Variants in GMDS observed in about 807,000 individuals in gnomAD.
The protein encoded by GMDS is GDP-mannose 4,6 dehydratase.
In GMDS, 20 loss-of-function variants were observed where a neutral mutation model predicts 49.9. The ratio of observed to expected loss-of-function variants is 0.40; its 90% CI spans 0.28 to 0.58. The LOEUF is 0.58. Among genes scored for constraint, GMDS ranks in the 20% least tolerant of loss-of-function variants. GMDS has a pLI of 0.42. For synonymous variants in GMDS, 177 were observed against 178.6 expected (o/e 0.99, Z 0.07); for missense variants, 362 against 481.4 (o/e 0.75, Z 2.32).
At chr6:1,658,549 G>A (rs1763963876) in intron 9 of GMDS, among the ~76,000 whole-genome samples, 2 of 152,230 alleles carry the variant, frequency 1.3e-5, no homozygotes, top group Admixed American at 6.5e-5. Context: ...ACACTCAGTT[G>A]AATGAAAAGA....
intron 1 of GMDS, among the ~76,000 whole-genome samples, chr6:2,146,488 C>A (rs1168249892): frequency 1.3e-5 from 2 of 152,080 alleles, no homozygotes; most frequent in Non-Finnish European, 2.9e-5. Context: ...GAGTCTCCGG[C>A]ATTAACAAAA....
intron 8 of GMDS, among the ~76,000 whole-genome samples, chr6:1,731,639 AG>A (rs757720159): frequency 2.6e-5 from 4 of 152,268 alleles, no homozygotes; most frequent in Non-Finnish European, 5.9e-5. Flanking sequence ...AGATATTTTC[AG>A]GTATATTTTG....
chr6:1,653,342 A>G (rs1581415256), intron 9 of GMDS, among the ~76,000 whole-genome samples: 1 of 152,362 alleles, frequency 6.6e-6, no homozygotes, highest in South Asian at 2.1e-4. Context: ...GGACTGGAAG[A>G]CTTACTATTG....
intron 4 of GMDS, among the ~76,000 whole-genome samples, chr6:1,994,276 C>T (rs1302762500): frequency 2.0e-5 from 3 of 152,040 alleles, no homozygotes; most frequent in Non-Finnish European, 4.4e-5. Context: ...ATTCTCTCAA[C>T]CAAAACAAAT....
intron 9 of GMDS, among the ~76,000 whole-genome samples, chr6:1,660,373 T>G (rs140737561): frequency 2.3e-3 from 347 of 152,206 alleles, no homozygotes; most frequent in African/African-American, 8.1e-3. Flanking sequence ...GGGCTTTTAG[T>G]GTCTTTAGGT....
intron 9 of GMDS, among the ~76,000 whole-genome samples, chr6:1,677,486 C>T (rs1399428941): frequency 6.6e-6 from 1 of 152,114 alleles, no homozygotes; most frequent in East Asian, 1.9e-4. Flanking sequence ...GCTATAAAGA[C>T]ACATGCACAC....
At chr6:1,713,432 G>T (rs1336855869) in intron 9 of GMDS, among the ~76,000 whole-genome samples, 3 of 152,236 alleles carry the variant, frequency 2.0e-5, no homozygotes, top group African/African-American at 7.2e-5. Context: ...GGCACTGTTT[G>T]CTCTGCGTCT....
intron 1 of GMDS, among the ~76,000 whole-genome samples, chr6:2,214,216 T>C (rs1011818904): frequency 1.3e-5 from 2 of 152,218 alleles, no homozygotes; most frequent in Non-Finnish European, 2.9e-5. Context: ...TTAGTCACCA[T>C]TGGAAATTGG....
intron 4 of GMDS, among the ~76,000 whole-genome samples, chr6:2,073,068 T>A (rs937053689): frequency 6.4e-4 from 98 of 152,196 alleles, no homozygotes; most frequent in African/African-American, 2.3e-3. Context: ...GATGTTTAGG[T>A]TAGACAGTCA....
chr6:1,686,892 GA>G (rs1764996045), intron 9 of GMDS, among the ~76,000 whole-genome samples: 1 of 152,172 alleles, frequency 6.6e-6, no homozygotes, highest in Non-Finnish European at 1.5e-5. Flanking sequence ...TTTTTTAAAT[GA>G]AATTACTGAA....
At chr6:1,818,608 C>CAAAAA (rs564065617) in intron 7 of GMDS, among the ~76,000 whole-genome samples, 1 of 49,300 alleles carries the variant, frequency 2.0e-5, no homozygotes. Flanking sequence ...GACTTCATCT[C>CAAAAA]AAAAAAAAAA....
intron 7 of GMDS, among the ~76,000 whole-genome samples, chr6:1,793,932 G>A (rs1014681737): frequency 1.3e-5 from 2 of 152,166 alleles, no homozygotes; most frequent in Non-Finnish European, 1.5e-5. Context: ...GGACAGAGTC[G>A]CCAATAATGG....
intron 7 of GMDS, among the ~76,000 whole-genome samples, chr6:1,824,731 T>A (rs1179131738): frequency 6.6e-6 from 1 of 152,208 alleles, no homozygotes; most frequent in Non-Finnish European, 1.5e-5. Flanking sequence ...ATTTAACAGT[T>A]AGGATGTGAG....
intron 6 of GMDS, among the ~76,000 whole-genome samples, chr6:1,958,118 T>A (rs1044101638): frequency 6.8e-6 from 1 of 148,148 alleles, no homozygotes; most frequent in Admixed American, 6.7e-5. Context: ...AAAATATGTT[T>A]TTTTTTTTTT....
intron 4 of GMDS, among the ~76,000 whole-genome samples, chr6:1,988,598 C>T (rs535387719): frequency 2.0e-4 from 31 of 152,218 alleles, no homozygotes; most frequent in African/African-American, 7.0e-4. Context: ...ACATGCATGC[C>T]ATCTGTAATA....
At chr6:1,717,774 A>G (rs1211921153) in intron 9 of GMDS, 1 of 152,260 alleles carries the variant, frequency 6.6e-6, no homozygotes. Context: ...ATAATTAATA[A>G]TGATGACTAA....
intron 7 of GMDS, among the ~76,000 whole-genome samples, chr6:1,771,643 C>T (rs1306745202): frequency 6.6e-6 from 1 of 152,232 alleles, no homozygotes; most frequent in African/African-American, 2.4e-5. Flanking sequence ...GTCATTTGTT[C>T]CTCATGACAC....
intron 7 of GMDS, among the ~76,000 whole-genome samples, chr6:1,900,346 G>A (rs1033683336): frequency 2.6e-5 from 4 of 152,168 alleles, no homozygotes; most frequent in African/African-American, 9.7e-5. Flanking sequence ...TCAACAATGC[G>A]TGCAGGAAAA....
At chr6:2,046,731 G>A (rs1195445289) in intron 4 of GMDS, among the ~76,000 whole-genome samples, 1 of 152,126 alleles carries the variant, frequency 6.6e-6, no homozygotes, top group Non-Finnish European at 1.5e-5. Context: ...AGTGTGCTGG[G>A]ATTACAAGCT....
Sources: allele counts gnomAD v4.1 joint callset (sites outside exome capture counted in the v4.1 genomes callset), GRCh38; gene constraint gnomAD v4.1.1; transcripts MANE v1.5; gene names NCBI Gene and HGNC (gene_info 2026-07-23, HGNC 2026-07-21).